Variants in PCDH9 observed in about 807,000 individuals in gnomAD.
PCDH9 encodes the protein protocadherin-9.
In PCDH9, 24 loss-of-function variants were observed where a neutral mutation model predicts 70.6. The ratio of observed to expected loss-of-function variants is 0.34; its 90% confidence interval spans 0.25 to 0.48. The LOEUF (loss-of-function observed/expected upper bound fraction) is 0.48, where lower values mean the gene tolerates loss of function less well. PCDH9 is among the 20% of genes least tolerant of loss of function. PCDH9 has a pLI of 0.99. For missense variants in PCDH9, 1,281 were observed against 1,503.6 expected, an observed-to-expected ratio of 0.85 and a Z score of 2.45; for synonymous variants, 562 against 558.5, an observed-to-expected ratio of 1.01 and a Z score of -0.09.
At chr13:67,087,087 TAAAAAAAAAA>T (rs36017495) in intron 2 of PCDH9, among the ~76,000 whole-genome samples, 1 of 123,764 alleles carries the variant, frequency 8.1e-6, no homozygotes, top group Admixed American at 8.6e-5. Flanking sequence ...TGATGTTTTG[TAAAAAAAAAA>T]AAAAAAAAAA....
chr13:66,500,375 A>G (rs748360780), intron 4 of PCDH9, among the ~76,000 whole-genome samples: 31 of 152,318 alleles, frequency 2.0e-4, no homozygotes, highest in Non-Finnish European at 4.4e-4. Flanking sequence ...AGAATGAAAT[A>G]TCGTCATTTT....
rs575448785 is a variant in PCDH9, at chr13:66,846,406, T to A, written c.3138+57098A>T. On this transcript the variant is annotated intron_variant, in intron 3 of 4. Coordinates refer to ENST00000377865, the MANE Select transcript of PCDH9 (RefSeq NM_203487.3). ...CTGATAGAATATATGAATGCCTTTTTTCACTACCAACATGTTGACCAGATG... is the reference window on the plus strand; with the variant it reads ...CTGATAGAATATATGAATGCCTTTTATCACTACCAACATGTTGACCAGATG... 1.2e-4 allele frequency among the ~76,000 whole-genome samples: 18 copies of A among 152,274 alleles called. No individual in the cohort carries two copies. In the East Asian group the frequency reaches 2.1e-3, roughly 18 times the overall value.
chr13:66,362,095 A>G (rs1956480551), intron 4 of PCDH9, among the ~76,000 whole-genome samples: 2 of 152,202 alleles, frequency 1.3e-5, no homozygotes, highest in Non-Finnish European at 2.9e-5. Flanking sequence ...ACTGATATCT[A>G]GAGCACTGAA....
intron 2 of PCDH9, chr13:66,991,141 G>A (rs528906027): frequency 3.9e-5 from 6 of 152,020 alleles, no homozygotes; most frequent in Non-Finnish European, 8.8e-5. Context: ...ACAGTGTCCT[G>A]AATCTGTCAA....
chr13:66,606,307 G>A (rs1932892), intron 4 of PCDH9, among the ~76,000 whole-genome samples: 144,909 of 152,152 alleles, frequency 0.95, 69,433 homozygotes, highest in East Asian at 1. Context: ...ACTTTTAACC[G>A]TGCCTCCTGT....
intron 3 of PCDH9, among the ~76,000 whole-genome samples, chr13:66,708,050 AT>A (rs1049241867): frequency 0.017 from 2,652 of 151,644 alleles, 85 homozygotes; most frequent in African/African-American, 0.06. Flanking sequence ...ATTTTATTTT[AT>A]TTTTTTTTTA....
intron 2 of PCDH9, chr13:67,209,757 C>G (rs1323617987): frequency 6.6e-6 from 1 of 152,006 alleles, no homozygotes; most frequent in Admixed American, 6.6e-5. Flanking sequence ...TTCCATGTAA[C>G]CAAATAACAC....
chr13:67,225,587 G>A lies in PCDH9; in HGVS notation c.2854C>T (p.Pro952Ser). The A allele has an allele frequency of 1.2e-6, 2 of 1,614,126 alleles. No individual in the cohort carries two copies. The highest frequency in any genetic ancestry group is 1.7e-6 in the Non-Finnish European group (2 of 1,180,006). The change falls in exon 2 of 5, where the codon CCA becomes TCA. Residue 952 changes from proline (P) to serine (S), a missense_variant. Around this residue, in one of 4 missense-constraint regions of PCDH9, gnomAD observed 207 missense variants for 191.8 expected, o/e 1.08. Coordinates refer to ENST00000377865, the MANE Select transcript of PCDH9 (RefSeq NM_203487.3). ...ASPQPAFHLK[P>S]DTPVSVKKHH... is the part of the protein sequence containing the mutation. ...TTTTTCACGGAAACTGGAGTGTCTG[G>A]TTTGAGATGAAAAGCAGGCTGTGGA...
intron 3 of PCDH9, among the ~76,000 whole-genome samples, chr13:66,693,077 G>C (rs2078510996): frequency 6.6e-6 from 1 of 152,036 alleles, no homozygotes; most frequent in Admixed American, 6.6e-5. Flanking sequence ...TATATGATAA[G>C]GTGCATTTAT....
Position 66,519,933 on chromosome 13 carries a change from C to T in PCDH9, c.3340+111277G>A, listed in dbSNP as rs577668531. On this transcript the variant is annotated intron_variant, in intron 4 of 4. Coordinates refer to ENST00000377865, the MANE Select transcript of PCDH9 (RefSeq NM_203487.3). ...TTTATATTTTACTGAAAAAGTATCACACTAAATAAACTTTTTTGACTGACG... is the reference window on the plus strand; with the variant it reads ...TTTATATTTTACTGAAAAAGTATCATACTAAATAAACTTTTTTGACTGACG... 2.1e-3 allele frequency among the ~76,000 whole-genome samples: 316 copies of T among 152,234 alleles called. 1 individual carries two copies. The highest frequency in any genetic ancestry group is 3.4e-3 in the Non-Finnish European group (234 of 68,012).
intron 3 of PCDH9, among the ~76,000 whole-genome samples, chr13:66,844,285 G>T (rs2081166691): frequency 6.6e-6 from 1 of 151,926 alleles, no homozygotes. Flanking sequence ...ACTACAAACG[G>T]CATGAAAGTC....
chr13:66,577,679 T>TATA (rs2076834202), intron 4 of PCDH9, among the ~76,000 whole-genome samples: 1 of 152,012 alleles, frequency 6.6e-6, no homozygotes, highest in African/African-American at 2.4e-5. Flanking sequence ...CCTGGCTTAC[T>TATA]GATAGGAGAT....
rs5804309 is a variant in PCDH9, at chr13:67,071,888, C to CAAAAAAAAAAAAAA, written c.3036+153503_3036+153516dup. On this transcript the variant is annotated intron_variant, in intron 2 of 4. Coordinates refer to ENST00000377865, the MANE Select transcript of PCDH9 (RefSeq NM_203487.3). Reference sequence around the variant, plus strand: ...TGGGCAACAGAGGGAGACTTTGTCTCAAAAAAAAAAAAAAAAAAAAGAGAG... The same window carrying CAAAAAAAAAAAAAA: ...TGGGCAACAGAGGGAGACTTTGTCTCAAAAAAAAAAAAAAAAAAAAAAAAAAAAAAAAAAGAGAG... 2.4e-3 allele frequency among the ~76,000 whole-genome samples: 211 copies of CAAAAAAAAAAAAAA among 86,618 alleles called. 1 individual carries two copies. Among genetic ancestry groups the CAAAAAAAAAAAAAA allele is most frequent in the African/African-American group, 5.8e-3 (130 of 22,424 alleles). 56.8% of individuals were successfully genotyped at this position (86,618 alleles called of 152,430 possible). A position where few individuals can be genotyped will look rare whatever the true frequency, so the allele number is the denominator to read the frequency against.
intron 3 of PCDH9, among the ~76,000 whole-genome samples, chr13:66,816,996 A>AT (rs201862810): frequency 2.7e-4 from 38 of 142,640 alleles, no homozygotes; most frequent in Admixed American, 2.3e-3. Flanking sequence ...GATTGAAAAT[A>AT]TTTAAAAAAA....
chr13:67,110,655 T>C (rs1253973100), intron 2 of PCDH9, among the ~76,000 whole-genome samples: 1 of 152,164 alleles, frequency 6.6e-6, no homozygotes. Context: ...ATAATATTTA[T>C]AATCTCACAA....
chr13:66,453,604 T>A (rs1447681953), intron 4 of PCDH9, among the ~76,000 whole-genome samples: 1 of 152,196 alleles, frequency 6.6e-6, no homozygotes, highest in Non-Finnish European at 1.5e-5. Context: ...TCAGCTTCTC[T>A]TCCCAGCAAT....
At chr13:66,445,655 AC>A (rs1258121990) in intron 4 of PCDH9, among the ~76,000 whole-genome samples, 2 of 144,786 alleles carry the variant, frequency 1.4e-5, no homozygotes, top group African/African-American at 2.5e-5. Flanking sequence ...TATTATATAT[AC>A]AGATATATAT....
chr13:66,361,201 G>A (rs1368281344), intron 4 of PCDH9, among the ~76,000 whole-genome samples: 2 of 152,174 alleles, frequency 1.3e-5, no homozygotes, highest in East Asian at 3.9e-4. Context: ...GAAGAGTTGT[G>A]CACTAATCTC....
At chr13:66,564,864 G>GT (rs2076629110) in intron 4 of PCDH9, among the ~76,000 whole-genome samples, 4 of 118,872 alleles carry the variant, frequency 3.4e-5, no homozygotes, top group Non-Finnish European at 5.4e-5. Context: ...CATAATGTAG[G>GT]GTTTTTTTTT....
Sources: allele counts gnomAD v4.1 joint callset (sites outside exome capture counted in the v4.1 genomes callset), GRCh38; gene constraint gnomAD v4.1.1; regional missense constraint gnomAD v4.1.1; transcripts MANE v1.5; gene names NCBI Gene and HGNC (gene_info 2026-07-23, HGNC 2026-07-21).